VGLL3: variants seen among roughly 807,000 people sequenced by gnomAD.
VGLL3 encodes the protein transcription cofactor vestigial-like protein 3.
In VGLL3, 18 loss-of-function variants were observed where a neutral mutation model predicts 29.2. The observed-to-expected ratio is 0.62, with a 90% CI of 0.43 to 0.91. The LOEUF (loss-of-function observed/expected upper bound fraction) is 0.91, where lower values mean the gene tolerates loss of function less well. VGLL3 is among the 40% of genes least tolerant of loss of function. The pLI, the probability that VGLL3 is intolerant of heterozygous loss-of-function variation, is 0.00. For missense variants in VGLL3, 440 were observed against 413.2 expected, an observed-to-expected ratio of 1.06 and a Z score of -0.56; for synonymous variants, 180 against 151.8, an observed-to-expected ratio of 1.19 and a Z score of -1.36.
intron 2 of VGLL3, among the ~76,000 whole-genome samples, chr3:86,971,321 C>A (rs1705096345): frequency 6.6e-6 from 1 of 152,160 alleles, no homozygotes; most frequent in Admixed American, 6.5e-5. Context: ...AGCAGCACTG[C>A]AAGCTCTTCT....
In VGLL3 at chr3:86,943,518, A is replaced by C. The variant is rs1429342319; in HGVS notation, c.*3506T>G. 1.3e-5 allele frequency: 2 copies of C among 151,856 alleles called. No homozygotes were observed. 9.4% of individuals were successfully genotyped at this position (151,856 alleles called of 1,614,324 possible). ...TGCTTAGAATTTGGGTTTTTTTTTT[A>C]AAGTCTTATAAAGTTAAAGAAATAA... On this transcript the variant is annotated 3_prime_UTR_variant, in exon 4 of 4. Transcript: ENST00000398399.
At chr3:86,988,161 G>T (rs1345007345) in intron 1 of VGLL3, among the ~76,000 whole-genome samples, 1 of 152,116 alleles carries the variant, frequency 6.6e-6, no homozygotes, top group African/African-American at 2.4e-5. Flanking sequence ...AAACTTTAAT[G>T]CTGTCTTTTC....
At position 86,968,948 on chromosome 3, in the gene VGLL3, A is replaced by T; in HGVS notation, c.579T>A (p.His193Gln). ...DPSPWPGHNL[H>Q]QTGPAPPPAV... ...CAGGGGGAGGGGCTGGGCCAGTCTGATGCAGGTTGTGTCCCGGCCAAGGAC... is the reference window on the plus strand; with the variant it reads ...CAGGGGGAGGGGCTGGGCCAGTCTGTTGCAGGTTGTGTCCCGGCCAAGGAC... The change falls in exon 3 of 4, where the codon CAT becomes CAA. Residue 193 changes from histidine (H) to glutamine (Q), a missense_variant. His to Gln is a conservative substitution (Grantham distance 24, BLOSUM62 0). Transcript: ENST00000398399. 1 of 1,614,110 alleles carries T rather than the reference A, an allele frequency of 6.2e-7. No individual in the cohort carries two copies. Among genetic ancestry groups the T allele is most frequent in the Non-Finnish European group, 8.5e-7 (1 of 1,180,014 alleles).
chr3:86,981,936 A>G (rs1406254435), intron 1 of VGLL3, among the ~76,000 whole-genome samples: 2 of 152,206 alleles, frequency 1.3e-5, no homozygotes, highest in African/African-American at 4.8e-5. Context: ...AAATGGCCTG[A>G]TAACTCACTA....
rs1438995190 is a variant in VGLL3, at chr3:86,969,202, A to G, written c.404-79T>C. 4 of 1,446,068 alleles carry G rather than the reference A, an allele frequency of 2.8e-6. No homozygotes were observed. The African/African-American group carries it at 5.7e-5, about 21-fold the overall frequency. 89.6% of individuals were successfully genotyped at this position (1,446,068 alleles called of 1,614,324 possible). On this transcript the variant is annotated intron_variant, in intron 2 of 3. Transcript: ENST00000398399. ...AGACTTGCCTCTAATTGTCCACTCT[A>G]ATTGTCCAATAATATTTTACAAGCA...
Position 86,968,538 on chromosome 3 carries a change from T to C in VGLL3, c.937+52A>G, listed in dbSNP as rs1575870319. ...TAATTTCAAAACAAATTTCCACCCT[T>C]TCTTAAATTAACTTTATCTTGTTAT... is the stretch of plus-strand genomic sequence containing the variant. On this transcript the variant is annotated intron_variant, in intron 3 of 3. Coordinates refer to ENST00000398399, the MANE Select transcript of VGLL3 (RefSeq NM_016206.4). 10 of 1,530,514 alleles carry C rather than the reference T, an allele frequency of 6.5e-6. No homozygotes were observed. The East Asian group carries it at 1.4e-4, about 21-fold the overall frequency. 94.8% of individuals were successfully genotyped at this position (1,530,514 alleles called of 1,614,324 possible).
chr3:86,990,324 G>A (rs1172574612), intron 1 of VGLL3: 15 of 985,226 alleles, frequency 1.5e-5, no homozygotes, highest in Non-Finnish European at 1.8e-5. Context: ...GATGCCCTTG[G>A]TGAGCTTCAG....
At chr3:86,973,233 G>A (rs1467326310) in intron 2 of VGLL3, among the ~76,000 whole-genome samples, 1 of 152,090 alleles carries the variant, frequency 6.6e-6, no homozygotes, top group Non-Finnish European at 1.5e-5. Context: ...AAGTGTTATA[G>A]AAACTCTAAG....
At chr3:86,970,253 T>A (rs1705066325) in intron 2 of VGLL3, among the ~76,000 whole-genome samples, 1 of 152,136 alleles carries the variant, frequency 6.6e-6, no homozygotes, top group African/African-American at 2.4e-5. Context: ...GCGTCAGGGA[T>A]GACCAAATGG....
rs775035094 is a variant in VGLL3, at chr3:86,990,627, A to T, written c.117T>A (p.Pro39=). The change falls in exon 1 of 4, where the codon CCT becomes CCA. Residue 39 remains proline (P), a synonymous_variant. Coordinates refer to ENST00000398399, the MANE Select transcript of VGLL3 (RefSeq NM_016206.4). ...PTAYYQPAPQ[P]GQQKKLAVFS... ...CCGTCCGGTGACTCACCTGCTGGCC[A>T]GGTTGGGGCGCCGGCTGATAGTAGG... is the stretch of plus-strand genomic sequence containing the variant. 5 of 1,360,702 alleles carry T rather than the reference A, an allele frequency of 3.7e-6. No homozygotes were observed. In the Admixed American group the frequency reaches 1.5e-4, roughly 41 times the overall value. The allele number at this position is 1,360,702 out of a possible 1,614,324, so 84.3% of individuals were successfully genotyped here.
rs1176687759 is a variant in VGLL3 at position 86,938,853 on chromosome 3, G to A, written c.*8171C>T. ...TAGCTATTTAGTCAAATGTGTATAA[G>A]CAGGTCAAATAAGATGCTTGGAGAC... On this transcript the variant is annotated 3_prime_UTR_variant, in exon 4 of 4. Transcript: ENST00000398399. 6.6e-6 allele frequency: 1 copy of A among 152,176 alleles called. No homozygotes were observed. Among genetic ancestry groups the A allele is most frequent in the Non-Finnish European group, 1.5e-5 (1 of 68,044 alleles). The allele number at this position is 152,176 out of a possible 1,614,324, so 9.4% of individuals were successfully genotyped here. A position where few individuals can be genotyped will look rare whatever the true frequency, so the allele number is the denominator to read the frequency against.
chr3:86,949,970 G>A (rs775732689), intron 3 of VGLL3, among the ~76,000 whole-genome samples: 3 of 152,140 alleles, frequency 2.0e-5, no homozygotes, highest in Admixed American at 6.5e-5. Context: ...GTGGAGGGGG[G>A]CAAAATTGTT....
At chr3:86,969,834 G>A (rs1262271065) in intron 2 of VGLL3, among the ~76,000 whole-genome samples, 2 of 151,978 alleles carry the variant, frequency 1.3e-5, no homozygotes, top group Admixed American at 6.6e-5. Context: ...TCTCATAGGA[G>A]TTTCATTCCA....
intron 3 of VGLL3, among the ~76,000 whole-genome samples, chr3:86,954,405 T>C (rs534822121): frequency 6.6e-6 from 1 of 152,192 alleles, no homozygotes; most frequent in Non-Finnish European, 1.5e-5. Context: ...AGTACCCACC[T>C]CCCTCCAAAA....
chr3:86,990,523 G>C (rs912837875), intron 1 of VGLL3, 95 bp downstream of exon 1: 7 of 1,296,012 alleles, frequency 5.4e-6, no homozygotes, highest in Non-Finnish European at 5.9e-6. Context: ...CATCCTCTGC[G>C]CCACGCGTGC....
rs1194763310 is a variant in VGLL3, at chr3:86,940,468, A to G, written c.*6556T>C. On this transcript the variant is annotated 3_prime_UTR_variant, in exon 4 of 4. Transcript: ENST00000398399. The stretch of plus-strand genomic sequence containing the variant: ...TAATCTATTCCTTGCTGTAACATAT[A>G]GACTTCTTGGCCCTAGAAATTAACT... The G allele has an allele frequency of 5.2e-5, 8 of 152,712 alleles. No individual in the cohort carries two copies. Among genetic ancestry groups the G allele is most frequent in the African/African-American group, 1.9e-4 (8 of 41,576 alleles). 9.5% of individuals were successfully genotyped at this position (152,712 alleles called of 1,614,324 possible). A position where few individuals can be genotyped will look rare whatever the true frequency, so the allele number is the denominator to read the frequency against.
chr3:86,961,823 C>T (rs1704848830), intron 3 of VGLL3: 1 of 645,728 alleles, frequency 1.5e-6, no homozygotes, highest in Non-Finnish European at 1.9e-6. Flanking sequence ...GCAGAAGTGA[C>T]AAAGCTAAAT....
intron 1 of VGLL3, among the ~76,000 whole-genome samples, chr3:86,986,058 CAT>C (rs10532329): frequency 0.58 from 87,930 of 151,188 alleles, 29,099 homozygotes; most frequent in Non-Finnish European, 0.73. Flanking sequence ...CACACACACA[CAT>C]ATATACACAC....
Position 86,946,088 on chromosome 3 carries a change from A to AT in VGLL3, c.*935dup, listed in dbSNP as rs879512594. 1.3e-5 allele frequency: 2 copies of AT among 152,150 alleles called. No homozygotes were observed. Among genetic ancestry groups the AT allele is most frequent in the South Asian group, 2.1e-4 (1 of 4,824 alleles). The allele number at this position is 152,150 out of a possible 1,614,324, so 9.4% of individuals were successfully genotyped here. A position where few individuals can be genotyped will look rare whatever the true frequency, so the allele number is the denominator to read the frequency against. ...ACTCATAGGTGGCATGGTTAAATGC[A>AT]TTTTTTTCCTTGTAGTTGTATATAA... On this transcript the variant is annotated 3_prime_UTR_variant, in exon 4 of 4. Transcript: ENST00000398399.
Sources: allele counts gnomAD v4.1 joint callset (sites outside exome capture counted in the v4.1 genomes callset), GRCh38; gene constraint gnomAD v4.1.1; transcripts MANE v1.5; gene names NCBI Gene and HGNC (gene_info 2026-07-23, HGNC 2026-07-21).